Variants in NUDCD2 observed in about 807,000 individuals in gnomAD.
NUDCD2 encodes the protein NudC domain containing 2, also known as nudC domain-containing protein 2.
In NUDCD2, 16 loss-of-function variants were observed where a neutral mutation model predicts 20.8. The ratio of observed to expected loss-of-function variants is 0.77; its 90% CI spans 0.52 to 1.17. NUDCD2 has a LOEUF of 1.17. Among genes scored for constraint, NUDCD2 ranks in the 50% most tolerant of loss-of-function variants. The pLI is 0.00. For synonymous variants in NUDCD2, 87 were observed against 72.8 expected (o/e 1.20, Z -1.00); for missense variants, 199 against 193.9 (o/e 1.03, Z -0.16).
chr5:163,457,207 C>G, intron 2 of NUDCD2, 127 bp from the exon 3 acceptor site: 2 of 972,066 alleles, frequency 2.1e-6, no homozygotes, highest in Non-Finnish European at 2.9e-6. Flanking sequence ...TCTCGGCTCA[C>G]TGAAACCTCC....
chr5:163,459,590 T>G, intron 1 of NUDCD2: 1 of 265,512 alleles, frequency 3.8e-6, no homozygotes. Context: ...GCAACCTAGT[T>G]AATCTGTTCC....
Position 163,448,563 on chromosome 5 carries a change from G to T in NUDCD2, c.*5404C>A, listed in dbSNP as rs945981962. 2.0e-5 allele frequency: 3 copies of T among 152,046 alleles called. No homozygotes were observed. Among genetic ancestry groups the T allele is most frequent in the African/African-American group, 7.2e-5 (3 of 41,400 alleles). 9.4% of individuals were successfully genotyped at this position (152,046 alleles called of 1,614,324 possible). A position where few individuals can be genotyped will look rare whatever the true frequency, so the allele number is the denominator to read the frequency against. The stretch of plus-strand genomic sequence containing the variant: ...CTAGCAAATTCATAAAACATTTAAA[G>T]ATATAACAAATTCTACAAATCTCTT... On this transcript the variant is annotated 3_prime_UTR_variant, in exon 4 of 4. Coordinates refer to ENST00000302764, the MANE Select transcript of NUDCD2 (RefSeq NM_145266.6).
At chr5:163,459,790 A>C (rs1325039622) in intron 1 of NUDCD2, 72 bp downstream of exon 1, 1 of 1,373,110 alleles carries the variant, frequency 7.3e-7, no homozygotes, top group African/African-American at 1.5e-5. Context: ...GACACCCAAC[A>C]GTCGTTCAGG....
rs1758056005 is a variant in NUDCD2 at position 163,447,119 on chromosome 5, G to A, written c.*6848C>T. 2 of 152,140 alleles carry A rather than the reference G, an allele frequency of 1.3e-5. No homozygotes were observed. The highest frequency in any genetic ancestry group is 6.5e-5 in the Admixed American group (1 of 15,272). The allele number at this position is 152,140 out of a possible 1,614,324, so 9.4% of individuals were successfully genotyped here. A position where few individuals can be genotyped will look rare whatever the true frequency, so the allele number is the denominator to read the frequency against. ...TAATGATAAAATTCACCAAGACAGT[G>A]CTAAAAGTGTAAGCACTTATTATCA... On this transcript the variant is annotated 3_prime_UTR_variant, in exon 4 of 4. Coordinates refer to ENST00000302764, the MANE Select transcript of NUDCD2 (RefSeq NM_145266.6).
intron 1 of NUDCD2, chr5:163,459,540 T>C (rs1367594856): frequency 2.9e-5 from 5 of 172,562 alleles, no homozygotes; most frequent in Admixed American, 1.9e-4. Context: ...GTTGTCTTCC[T>C]GCCTGTCTTC....
Position 163,453,952 on chromosome 5 carries a change from C to A in NUDCD2, c.*15G>T. On this transcript the variant is annotated 3_prime_UTR_variant, in exon 4 of 4. Coordinates refer to ENST00000302764, the MANE Select transcript of NUDCD2 (RefSeq NM_145266.6). Reference sequence around the variant, plus strand: ...AATATCTGCTAGGATCCACAGAATGCAGGAAAAAAAGCAGTTATTTCTCAA... The same window carrying A: ...AATATCTGCTAGGATCCACAGAATGAAGGAAAAAAAGCAGTTATTTCTCAA... The A allele has an allele frequency of 6.9e-7, 1 of 1,439,992 alleles. No homozygotes were observed. Among genetic ancestry groups the A allele is most frequent in the Non-Finnish European group, 9.4e-7 (1 of 1,061,552 alleles). 89.2% of individuals were successfully genotyped at this position (1,439,992 alleles called of 1,614,324 possible).
chr5:163,459,898 A>G lies in NUDCD2; in HGVS notation c.153T>C (p.His51=), dbSNP rs200966124. ...QDIQCGLQSR[H]VALSVGGREI... ...CGCGGCCGCCCACCGACAGCGCCAC[A>G]TGCCGGCTCTGGAGGCCGCACTGGA... The change falls in exon 1 of 4, where the codon CAT becomes CAC. Residue 51 remains histidine (H), a synonymous_variant. Coordinates refer to ENST00000302764, the MANE Select transcript of NUDCD2 (RefSeq NM_145266.6). The G allele has an allele frequency of 1.5e-5, 24 of 1,610,276 alleles. 1 individual carries two copies. Among genetic ancestry groups the G allele is most frequent in the Admixed American group, 1.3e-4 (8 of 59,334 alleles).
rs1758201851 is a variant in NUDCD2, at chr5:163,452,463, ATGTACAATAATTT to A, written c.*1491_*1503del. The stretch of plus-strand genomic sequence containing the variant: ...CCCAGAATGGACTTCTACCAGCCAA[ATGTACAATAATTT>A]TGAGCACCAATGTAATGATAATAGG... On this transcript the variant is annotated 3_prime_UTR_variant, in exon 4 of 4. Transcript: ENST00000302764. The A allele has an allele frequency of 6.6e-6, 1 of 152,198 alleles. No individual in the cohort carries two copies. The highest frequency in any genetic ancestry group is 2.1e-4 in the South Asian group (1 of 4,836). The allele number at this position is 152,198 out of a possible 1,614,324, so 9.4% of individuals were successfully genotyped here.
intron 3 of NUDCD2, among the ~76,000 whole-genome samples, chr5:163,454,783 C>T (rs1758261197): frequency 6.6e-6 from 1 of 152,022 alleles, no homozygotes; most frequent in Non-Finnish European, 1.5e-5. Context: ...TTCGTTTATC[C>T]AACAAACATT....
At chr5:163,454,340 A>G (rs1202491704) in intron 3 of NUDCD2, among the ~76,000 whole-genome samples, 1 of 151,984 alleles carries the variant, frequency 6.6e-6, no homozygotes, top group Non-Finnish European at 1.5e-5. Context: ...TTTTTATTTT[A>G]TTTATTATTA....
In NUDCD2 at chr5:163,459,929, T is replaced by C. The variant is rs780024537; in HGVS notation, c.122A>G (p.Gln41Arg). Residue 41 changes from glutamine (Q) to arginine (R), a missense_variant, in exon 1 of 4, where the codon CAG becomes CGG. By Grantham distance (43) the Gln-to-Arg change is conservative. Transcript: ENST00000302764. ...GCTCTGGAGGCCGCACTGGATATCC[T>C]GGGCGCGCGTGCCTGGCGGCACCTG... ...EVQVPPGTRA[Q>R]DIQCGLQSRH... 3 of 1,612,330 alleles carry C rather than the reference T, an allele frequency of 1.9e-6. No homozygotes were observed. The highest frequency in any genetic ancestry group is 2.5e-6 in the Non-Finnish European group (3 of 1,179,688).
At position 163,447,969 on chromosome 5, in the gene NUDCD2, C is replaced by T. The variant is rs1461311482; in HGVS notation, c.*5998G>A. The stretch of plus-strand genomic sequence containing the variant: ...TTTTTACTAAACAAGAAAAAGTTCT[C>T]AAATTAACACTCTAAGCTCCCACTT... On this transcript the variant is annotated 3_prime_UTR_variant, in exon 4 of 4. Transcript: ENST00000302764. The T allele has an allele frequency of 6.6e-6, 1 of 152,036 alleles. No individual in the cohort carries two copies. Among genetic ancestry groups the T allele is most frequent in the Non-Finnish European group, 1.5e-5 (1 of 68,010 alleles). The allele number at this position is 152,036 out of a possible 1,614,324, so 9.4% of individuals were successfully genotyped here.
In NUDCD2 at chr5:163,451,836, CTGA is replaced by C. The variant is rs1477674865; in HGVS notation, c.*2128_*2130del. 2.0e-5 allele frequency: 3 copies of C among 152,338 alleles called. No individual in the cohort carries two copies. Among genetic ancestry groups the C allele is most frequent in the Non-Finnish European group, 4.4e-5 (3 of 68,218 alleles). 9.4% of individuals were successfully genotyped at this position (152,338 alleles called of 1,614,324 possible). A position where few individuals can be genotyped will look rare whatever the true frequency, so the allele number is the denominator to read the frequency against. Reference sequence around the variant, plus strand: ...TGGGAGGCCCAGGCGGGCGGATCACCTGATGTCCGGAGTTCGAGACCAGCCTGA... The same window carrying C: ...TGGGAGGCCCAGGCGGGCGGATCACCTGTCCGGAGTTCGAGACCAGCCTGA... On this transcript the variant is annotated 3_prime_UTR_variant, in exon 4 of 4. Transcript: ENST00000302764.
In NUDCD2 at chr5:163,448,390, T is replaced by C. The variant is rs1237832194; in HGVS notation, c.*5577A>G. 6.6e-6 allele frequency: 1 copy of C among 152,120 alleles called. No individual in the cohort carries two copies. Among genetic ancestry groups the C allele is most frequent in the African/African-American group, 2.4e-5 (1 of 41,422 alleles). 9.4% of individuals were successfully genotyped at this position (152,120 alleles called of 1,614,324 possible). A position where few individuals can be genotyped will look rare whatever the true frequency, so the allele number is the denominator to read the frequency against. ...GAAAAGATAACAGTATAGATCCTCA[T>C]TAGAACGACACAAAGAAAATACCAT... On this transcript the variant is annotated 3_prime_UTR_variant, in exon 4 of 4. Transcript: ENST00000302764.
At position 163,448,813 on chromosome 5, in the gene NUDCD2, A is replaced by T. The variant is rs1002583994; in HGVS notation, c.*5154T>A. 1 of 152,234 alleles carries T rather than the reference A, an allele frequency of 6.6e-6. No individual in the cohort carries two copies. Among genetic ancestry groups the T allele is most frequent in the Non-Finnish European group, 1.5e-5 (1 of 68,042 alleles). 9.4% of individuals were successfully genotyped at this position (152,234 alleles called of 1,614,324 possible). Reference sequence around the variant, plus strand: ...GGGAGGAAATATAAGCTGTTTCAAAATTCTGGAATCAGTAAAATCCATGAT... The same window carrying T: ...GGGAGGAAATATAAGCTGTTTCAAATTTCTGGAATCAGTAAAATCCATGAT... On this transcript the variant is annotated 3_prime_UTR_variant, in exon 4 of 4. Coordinates refer to ENST00000302764, the MANE Select transcript of NUDCD2 (RefSeq NM_145266.6).
chr5:163,452,233 A>G lies in NUDCD2; in HGVS notation c.*1734T>C, dbSNP rs1242264634. 1 of 152,206 alleles carries G rather than the reference A, an allele frequency of 6.6e-6. No individual in the cohort carries two copies. The highest frequency in any genetic ancestry group is 1.5e-5 in the Non-Finnish European group (1 of 68,026). The allele number at this position is 152,206 out of a possible 1,614,324, so 9.4% of individuals were successfully genotyped here. ...AAATATAGATGTAAAGACATGCATT[A>G]TATATACACACCAACGGCAATTGCA... On this transcript the variant is annotated 3_prime_UTR_variant, in exon 4 of 4. Coordinates refer to ENST00000302764, the MANE Select transcript of NUDCD2 (RefSeq NM_145266.6).
At position 163,449,129 on chromosome 5, in the gene NUDCD2, G is replaced by A. The variant is rs948656374; in HGVS notation, c.*4838C>T. 1.3e-5 allele frequency: 2 copies of A among 151,786 alleles called. No individual in the cohort carries two copies. Among genetic ancestry groups the A allele is most frequent in the Admixed American group, 1.3e-4 (2 of 15,230 alleles). The allele number at this position is 151,786 out of a possible 1,614,324, so 9.4% of individuals were successfully genotyped here. A position where few individuals can be genotyped will look rare whatever the true frequency, so the allele number is the denominator to read the frequency against. ...AGACTAAAAAGAATAAAATAAAACT[G>A]TTCCTATTCGTAGTTTATGTAGAAA... On this transcript the variant is annotated 3_prime_UTR_variant, in exon 4 of 4. Coordinates refer to ENST00000302764, the MANE Select transcript of NUDCD2 (RefSeq NM_145266.6).
chr5:163,455,456 T>C (rs1758277470), intron 3 of NUDCD2, among the ~76,000 whole-genome samples: 1 of 152,096 alleles, frequency 6.6e-6, no homozygotes, highest in Admixed American at 6.6e-5. Context: ...TGATGTGACT[T>C]GGATTTTAAA....
intron 3 of NUDCD2, among the ~76,000 whole-genome samples, chr5:163,456,679 C>T (rs1361178830): frequency 6.6e-6 from 1 of 152,108 alleles, no homozygotes; most frequent in African/African-American, 2.4e-5. Context: ...TTTATTCATG[C>T]ATTACTGATG....
Sources: gnomAD v4.1 joint callset for allele counts (sites outside exome capture counted in the v4.1 genomes callset) on GRCh38, gnomAD v4.1.1 for gene constraint, MANE v1.5 for transcripts, NCBI Gene and HGNC (gene_info 2026-07-23, HGNC 2026-07-21) for gene names.